PDE7B: variants seen among roughly 807,000 people sequenced by gnomAD.
PDE7B encodes phosphodiesterase 7B, also known as 3',5'-cyclic-AMP phosphodiesterase 7B.
A neutral mutation model predicts 56.2 loss-of-function variants in PDE7B; 29 were observed. The observed-to-expected ratio is 0.52, with a 90% CI of 0.38 to 0.70. The LOEUF (loss-of-function observed/expected upper bound fraction) is 0.70, where lower values mean the gene tolerates loss of function less well. PDE7B is among the 30% of genes least tolerant of loss of function. The probability of loss-of-function intolerance (pLI) is 0.00; values close to 1 mark genes in which losing one functional copy is unlikely to be tolerated. For synonymous variants in PDE7B, 197 were observed against 196.9 expected, an observed-to-expected ratio of 1.00 and a Z score of 0.00; for missense variants, 490 against 565.0, an observed-to-expected ratio of 0.87 and a Z score of 1.35.
At chr6:135,861,838 T>C (rs1775153833) in intron 1 of PDE7B, among the ~76,000 whole-genome samples, 1 of 151,854 alleles carries the variant, frequency 6.6e-6, no homozygotes, top group Non-Finnish European at 1.5e-5. Flanking sequence ...ATTTTACATA[T>C]TCCTTGCTAG....
intron 2 of PDE7B, among the ~76,000 whole-genome samples, chr6:136,003,819 A>C: frequency 6.6e-6 from 1 of 152,192 alleles, no homozygotes; most frequent in Middle Eastern, 3.2e-3. Context: ...TCCAATCAAT[A>C]GAAAAAGAGG....
In PDE7B at chr6:136,166,510, C is replaced by A; in HGVS notation, c.712-7287C>A. ...GGGGAGACCTTAGGAAATTTACAGT[C>A]ATGGCAGATGGCAAAGAGAGTAGGC... On this transcript the variant is annotated intron_variant, in intron 8 of 12. Transcript: ENST00000308191. The A allele has an allele frequency of 1.9e-5, 3 of 155,522 alleles. No homozygotes were observed. The South Asian group carries it at 5.6e-4, about 29-fold the overall frequency. 9.6% of individuals were successfully genotyped at this position (155,522 alleles called of 1,614,324 possible). A position where few individuals can be genotyped will look rare whatever the true frequency, so the allele number is the denominator to read the frequency against.
intron 2 of PDE7B, among the ~76,000 whole-genome samples, chr6:135,963,172 C>G (rs1347585963): frequency 6.6e-6 from 1 of 152,158 alleles, no homozygotes; most frequent in African/African-American, 2.4e-5. Flanking sequence ...GGAGACACAG[C>G]CTGCCTCTGC....
chr6:136,082,685 G>T (rs1288233643), intron 2 of PDE7B, among the ~76,000 whole-genome samples: 1 of 152,196 alleles, frequency 6.6e-6, no homozygotes, highest in African/African-American at 2.4e-5. Context: ...CAACATTCAG[G>T]AGTGTTTCTG....
At chr6:136,062,412 T>C (rs1374162553) in intron 2 of PDE7B, among the ~76,000 whole-genome samples, 1 of 152,186 alleles carries the variant, frequency 6.6e-6, no homozygotes, top group Non-Finnish European at 1.5e-5. Context: ...TCTTAGAGAA[T>C]TCCAAGTATA....
intron 2 of PDE7B, among the ~76,000 whole-genome samples, chr6:135,956,562 T>C (rs1774798098): frequency 6.6e-6 from 1 of 152,084 alleles, no homozygotes; most frequent in Admixed American, 6.6e-5. Flanking sequence ...GCAGATCACT[T>C]GAGCCCAAGA....
chr6:136,031,329 A>G (rs962722552), intron 2 of PDE7B, among the ~76,000 whole-genome samples: 24 of 152,264 alleles, frequency 1.6e-4, no homozygotes, highest in African/African-American at 4.8e-4. Flanking sequence ...GGAATCAGAA[A>G]TCTGCATTTT....
chr6:136,165,341 T>G (rs1025904642), intron 8 of PDE7B, among the ~76,000 whole-genome samples: 1 of 152,128 alleles, frequency 6.6e-6, no homozygotes, highest in African/African-American at 2.4e-5. Flanking sequence ...TTTTTTGGAG[T>G]TATGTAATCC....
intron 11 of PDE7B, among the ~76,000 whole-genome samples, chr6:136,186,422 T>C (rs1227053446): frequency 1.3e-5 from 2 of 152,110 alleles, no homozygotes; most frequent in Admixed American, 6.5e-5. Flanking sequence ...AATGAGACTC[T>C]GTCTCAAAAA....
At chr6:136,191,013 CTTTTTTTTTTTTT>C (rs752187218) in intron 12 of PDE7B, among the ~76,000 whole-genome samples, 12 of 99,304 alleles carry the variant, frequency 1.2e-4, no homozygotes, top group African/African-American at 7.2e-4. Context: ...CCAGCATACA[CTTTTTTTTTTTTT>C]TTTTTTTTTT....
intron 1 of PDE7B, among the ~76,000 whole-genome samples, chr6:135,877,686 C>T (rs9402769): frequency 0.041 from 6,219 of 151,326 alleles, 194 homozygotes; most frequent in East Asian, 0.12. Flanking sequence ...AGAAGCAGAT[C>T]CTGAGACTCA....
intron 1 of PDE7B, among the ~76,000 whole-genome samples, chr6:135,930,521 G>A (rs1253526547): frequency 6.6e-6 from 1 of 152,130 alleles, no homozygotes; most frequent in African/African-American, 2.4e-5. Flanking sequence ...AGAAATCTAA[G>A]CATAGGATGA....
chr6:135,967,471 T>A (rs1775014768), intron 2 of PDE7B, among the ~76,000 whole-genome samples: 1 of 152,190 alleles, frequency 6.6e-6, no homozygotes, highest in Non-Finnish European at 1.5e-5. Context: ...GAAAAATGAC[T>A]AATTGAATAG....
chr6:135,875,939 G>T (rs1164875855), intron 1 of PDE7B, among the ~76,000 whole-genome samples: 6 of 152,238 alleles, frequency 3.9e-5, no homozygotes, highest in Admixed American at 1.3e-4. Context: ...TCTCTCTGTG[G>T]TGGTTCAGGT....
intron 2 of PDE7B, among the ~76,000 whole-genome samples, chr6:135,968,678 A>G (rs1393121040): frequency 6.6e-6 from 1 of 152,218 alleles, no homozygotes; most frequent in Non-Finnish European, 1.5e-5. Flanking sequence ...ATGTATTTAC[A>G]CTGTTGGTGG....
At chr6:136,092,125 A>G (rs542282984) in intron 2 of PDE7B, among the ~76,000 whole-genome samples, 40 of 152,356 alleles carry the variant, frequency 2.6e-4, no homozygotes, top group Admixed American at 2.6e-3. Flanking sequence ...ATAATAATAC[A>G]TGAGTATAAC....
intron 8 of PDE7B, among the ~76,000 whole-genome samples, chr6:136,164,597 C>T (rs1041726021): frequency 2.6e-5 from 4 of 152,052 alleles, no homozygotes; most frequent in African/African-American, 7.2e-5. Flanking sequence ...CAATGAGTTT[C>T]TGGTAAGGAT....
Position 135,935,190 on chromosome 6 carries a change from T to TTTTATATATATATATATATA in PDE7B, c.22-12273_22-12272insTTATATATATATATATATAT, listed in dbSNP as rs1436649469. Among the ~76,000 whole-genome samples the TTTTATATATATATATATATA allele has an allele frequency of 1.2e-3, 44 of 36,176 alleles. 3 individuals carry two copies. The highest frequency in any genetic ancestry group is 3.8e-3 in the African/African-American group (32 of 8,348). 23.7% of individuals were successfully genotyped at this position (36,176 alleles called of 152,430 possible). ...GAGAATTTTATATATATATATTTAT[T>TTTTATATATATATATATATA]TATATATATATATATATATATATAT... On this transcript the variant is annotated intron_variant, in intron 1 of 12. Transcript: ENST00000308191.
In PDE7B at chr6:135,946,083, AT is replaced by A. The variant is rs756389896; in HGVS notation, c.22-1380del. Among the ~76,000 whole-genome samples, 32 of 152,032 alleles carry A rather than the reference AT, an allele frequency of 2.1e-4. 1 individual carries two copies. The highest frequency in any genetic ancestry group is 4.3e-4 in the Non-Finnish European group (29 of 67,972). ...TCATTGCATGTTTTTTGCTTTTTCT[AT>A]AAATTAATGTATCCATAAATAATAT... is the stretch of plus-strand genomic sequence containing the variant. On this transcript the variant is annotated intron_variant, in intron 1 of 12. Coordinates refer to ENST00000308191, the MANE Select transcript of PDE7B (RefSeq NM_018945.4).
Sources: gnomAD v4.1 joint callset for allele counts (sites outside exome capture counted in the v4.1 genomes callset) on GRCh38, gnomAD v4.1.1 for gene constraint, MANE v1.5 for transcripts, NCBI Gene and HGNC (gene_info 2026-07-23, HGNC 2026-07-21) for gene names.